Variants in MECOM observed in about 807,000 individuals in gnomAD.
MECOM encodes histone-lysine N-methyltransferase MECOM.
MECOM carries 13 observed loss-of-function variants against 116.3 expected under a neutral mutation model. That is an observed-to-expected ratio of 0.11 (90% CI 0.07 to 0.18). The LOEUF is 0.18. MECOM is among the 10% of genes least tolerant of loss of function. The pLI, the probability that MECOM is intolerant of heterozygous loss-of-function variation, is 1.00. For synonymous variants in MECOM, 528 were observed against 535.2 expected (o/e 0.99, Z 0.19); for missense variants, 1,299 against 1,509.0 (o/e 0.86, Z 2.31).
chr3:169,313,201 G>A (rs924229944), intron 2 of MECOM, among the ~76,000 whole-genome samples: 8 of 152,204 alleles, frequency 5.3e-5, no homozygotes, highest in African/African-American at 1.9e-4. Context: ...CTGAGGATTG[G>A]CCATTGGATT....
chr3:169,208,268 T>A (rs1210443484), intron 2 of MECOM, among the ~76,000 whole-genome samples: 1 of 148,800 alleles, frequency 6.7e-6, no homozygotes, highest in Non-Finnish European at 1.5e-5. Context: ...ATATAATGTA[T>A]ATATACACAA....
In MECOM at chr3:169,332,122, A is replaced by G. The variant is rs139663455; in HGVS notation, c.375+49065T>C. On this transcript the variant is annotated intron_variant, in intron 2 of 16. Transcript: ENST00000651503. ...GAAGTGGCATCCAAAATACTGCAGA[A>G]GCTCATCACAGTTTAACCACATATC... 1.4e-3 allele frequency among the ~76,000 whole-genome samples: 208 copies of G among 152,284 alleles called. 1 individual carries two copies. The highest frequency in any genetic ancestry group is 4.8e-3 in the African/African-American group (200 of 41,560).
intron 1 of MECOM, chr3:169,483,822 G>A: frequency 6.2e-7 from 1 of 1,611,836 alleles, no homozygotes; most frequent in Non-Finnish European, 8.5e-7. Context: ...ATACCTTTTG[G>A]AGAAAGGCAC....
At chr3:169,504,249 G>T (rs1528291) in intron 1 of MECOM, among the ~76,000 whole-genome samples, 24,989 of 150,364 alleles carry the variant, frequency 0.17, 2,246 homozygotes, top group East Asian at 0.33. Flanking sequence ...GCCATTTGGT[G>T]GGGGTGGGAA....
At chr3:169,481,334 A>T (rs188998258) in intron 1 of MECOM, among the ~76,000 whole-genome samples, 3 of 152,072 alleles carry the variant, frequency 2.0e-5, no homozygotes, top group Non-Finnish European at 4.4e-5. Context: ...GGGTGGATCA[A>T]TTGAGGTCAG....
chr3:169,416,393 T>C (rs1738598610), intron 1 of MECOM, among the ~76,000 whole-genome samples: 1 of 152,142 alleles, frequency 6.6e-6, no homozygotes, highest in Admixed American at 6.5e-5. Flanking sequence ...AAGGGAAATG[T>C]ATAGCACTAA....
At chr3:169,275,557 C>A (rs555373230) in intron 2 of MECOM, among the ~76,000 whole-genome samples, 17 of 152,166 alleles carry the variant, frequency 1.1e-4, no homozygotes, top group Non-Finnish European at 2.2e-4. Context: ...TCTTAGTTTT[C>A]TAATGATACG....
chr3:169,123,386 T>G (rs1731734368), intron 5 of MECOM, among the ~76,000 whole-genome samples: 1 of 151,682 alleles, frequency 6.6e-6, no homozygotes, highest in South Asian at 2.1e-4. Flanking sequence ...AAAAAGTGTG[T>G]AATATTTTAA....
At chr3:169,176,410 C>G (rs1048205727) in intron 2 of MECOM, among the ~76,000 whole-genome samples, 17 of 151,982 alleles carry the variant, frequency 1.1e-4, no homozygotes, top group African/African-American at 3.9e-4. Flanking sequence ...AACTGGCTAG[C>G]CATATGAAGA....
chr3:169,398,876 A>G (rs1243615715), intron 1 of MECOM, among the ~76,000 whole-genome samples: 1 of 152,154 alleles, frequency 6.6e-6, no homozygotes, highest in Non-Finnish European at 1.5e-5. Flanking sequence ...TACTTCAGGT[A>G]TGGAAGGCCT....
At chr3:169,140,415 T>A (rs1921486) in intron 3 of MECOM, among the ~76,000 whole-genome samples, 1 of 152,202 alleles carries the variant, frequency 6.6e-6, no homozygotes, top group South Asian at 2.1e-4. Context: ...AATTGACTAG[T>A]GTCTTTGGTA....
chr3:169,384,312 GATGAA>G (rs1325237121), intron 1 of MECOM, among the ~76,000 whole-genome samples: 1 of 152,088 alleles, frequency 6.6e-6, no homozygotes, highest in Non-Finnish European at 1.5e-5. Context: ...AATAGAACAT[GATGAA>G]TTGTCCACTT....
chr3:169,658,333 A>T (rs1269776150), intron 1 of MECOM, among the ~76,000 whole-genome samples: 1 of 151,826 alleles, frequency 6.6e-6, no homozygotes, highest in Non-Finnish European at 1.5e-5. Context: ...CCCCAAACTC[A>T]CTCTCCCTTG....
chr3:169,564,800 G>C (rs950895058), intron 1 of MECOM, among the ~76,000 whole-genome samples: 10 of 151,716 alleles, frequency 6.6e-5, no homozygotes, highest in African/African-American at 2.0e-4. Flanking sequence ...AAAAACCATA[G>C]CGCTTCAGGT....
chr3:169,659,748 C>T (rs1402480514), intron 1 of MECOM, among the ~76,000 whole-genome samples: 3 of 151,980 alleles, frequency 2.0e-5, no homozygotes, highest in African/African-American at 7.3e-5. Flanking sequence ...ATGCCTGAAT[C>T]TGGGTGTTGT....
intron 2 of MECOM, among the ~76,000 whole-genome samples, chr3:169,275,108 A>T (rs575397837): frequency 1.3e-5 from 2 of 152,312 alleles, no homozygotes; most frequent in East Asian, 3.9e-4. Context: ...GAAAAGGCAC[A>T]AATGTGTGTG....
intron 2 of MECOM, among the ~76,000 whole-genome samples, chr3:169,319,917 A>G (rs1720557161): frequency 1.3e-5 from 2 of 152,230 alleles, no homozygotes; most frequent in South Asian, 4.1e-4. Context: ...ATAGCATCTT[A>G]TTAGAGGTGG....
intron 2 of MECOM, among the ~76,000 whole-genome samples, chr3:169,342,425 C>A (rs1011912146): frequency 6.6e-6 from 1 of 152,018 alleles, no homozygotes; most frequent in African/African-American, 2.4e-5. Context: ...AGAAAAGTGT[C>A]TATTTGAAAA....
intron 2 of MECOM, among the ~76,000 whole-genome samples, chr3:169,214,769 T>C (rs986715768): frequency 8.7e-5 from 13 of 149,870 alleles, no homozygotes; most frequent in African/African-American, 2.9e-4. Flanking sequence ...CATAAATAAG[T>C]CTTTAGGTTT....
Sources: gnomAD v4.1 joint callset for allele counts (sites outside exome capture counted in the v4.1 genomes callset) on GRCh38, gnomAD v4.1.1 for gene constraint, MANE v1.5 for transcripts, NCBI Gene and HGNC (gene_info 2026-07-23, HGNC 2026-07-21) for gene names.